The following DLGAP1 variants were observed in gnomAD, a reference collection of about 807,000 sequenced individuals.
DLGAP1 encodes DLG associated protein 1.
In DLGAP1, 11 loss-of-function variants were observed where a neutral mutation model predicts 90.8. The observed-to-expected ratio is 0.12, with a 90% CI of 0.08 to 0.20. The LOEUF (loss-of-function observed/expected upper bound fraction) is 0.20. Among genes scored for constraint, DLGAP1 ranks in the 10% least tolerant of loss-of-function variants. The pLI, the probability that DLGAP1 is intolerant of heterozygous loss-of-function variation, is 1.00. For synonymous variants in DLGAP1, 558 were observed against 540.7 expected, an observed-to-expected ratio of 1.03 and a Z score of -0.44; for missense variants, 1,050 against 1,333.8, an observed-to-expected ratio of 0.79 and a Z score of 3.31.
intron 1 of DLGAP1, among the ~76,000 whole-genome samples, chr18:4,172,154 G>GAGAA (rs1306938319): frequency 6.6e-6 from 1 of 152,166 alleles, no homozygotes; most frequent in African/African-American, 2.4e-5. Flanking sequence ...TCCAATGGTA[G>GAGAA]AGAACCTTTG....
intron 1 of DLGAP1, among the ~76,000 whole-genome samples, chr18:4,433,824 G>A (rs2083341667): frequency 6.6e-6 from 1 of 152,120 alleles, no homozygotes; most frequent in African/African-American, 2.4e-5. Context: ...ATCACAATGT[G>A]GATAGGCTCT....
intron 1 of DLGAP1, among the ~76,000 whole-genome samples, chr18:4,266,767 T>A (rs2079139533): frequency 6.6e-6 from 1 of 152,210 alleles, no homozygotes; most frequent in Admixed American, 6.5e-5. Flanking sequence ...ACAACAATGA[T>A]CAAAAATCAA....
At chr18:3,790,769 T>C (rs1290545259) in intron 5 of DLGAP1, among the ~76,000 whole-genome samples, 2 of 152,122 alleles carry the variant, frequency 1.3e-5, no homozygotes, top group South Asian at 2.1e-4. Context: ...GGGAAGTGGA[T>C]AGTGCATTTG....
rs1653870647 is a variant in DLGAP1, at chr18:3,787,910, A to G, written c.1172+26149T>C. Among the ~76,000 whole-genome samples, 3 of 152,184 alleles carry G rather than the reference A, an allele frequency of 2.0e-5. No individual in the cohort carries two copies. In the South Asian group the frequency reaches 6.2e-4, roughly 32 times the overall value. On this transcript the variant is annotated intron_variant, in intron 5 of 12. Coordinates refer to ENST00000315677, the MANE Select transcript of DLGAP1 (RefSeq NM_004746.4). Reference sequence around the variant, plus strand: ...TGCCTAAAGTCTGGACTTGTCAAAAAAACAATTCCCTTTGGTTCTTTCCCA... The same window carrying G: ...TGCCTAAAGTCTGGACTTGTCAAAAGAACAATTCCCTTTGGTTCTTTCCCA...
intron 5 of DLGAP1, among the ~76,000 whole-genome samples, chr18:3,769,456 A>G (rs1312748051): frequency 1.3e-5 from 2 of 152,208 alleles, no homozygotes; most frequent in Non-Finnish European, 2.9e-5. Context: ...GAATGGTTAC[A>G]GCAGCTTTGT....
chr18:3,749,000 TTAGA>T (rs2063382632), intron 5 of DLGAP1, among the ~76,000 whole-genome samples: 2 of 152,162 alleles, frequency 1.3e-5, no homozygotes, highest in African/African-American at 2.4e-5. Flanking sequence ...CTGGCTACTG[TTAGA>T]TAAAGAAATC....
intron 3 of DLGAP1, among the ~76,000 whole-genome samples, chr18:3,946,204 C>T (rs774763937): frequency 7.9e-5 from 12 of 152,018 alleles, no homozygotes; most frequent in Non-Finnish European, 1.3e-4. Flanking sequence ...AACATCAAAT[C>T]CTCCTTACTC....
At chr18:3,991,244 GT>G (rs1234778825) in intron 3 of DLGAP1, among the ~76,000 whole-genome samples, 3 of 152,058 alleles carry the variant, frequency 2.0e-5, no homozygotes, top group Admixed American at 6.6e-5. Flanking sequence ...AGATTTTATA[GT>G]TTTTTACTGA....
intron 1 of DLGAP1, among the ~76,000 whole-genome samples, chr18:4,195,232 A>C (rs1020575450): frequency 3.3e-5 from 5 of 152,152 alleles, no homozygotes; most frequent in African/African-American, 1.2e-4. Flanking sequence ...AGCCATTCCC[A>C]TTCAAGATTC....
intron 2 of DLGAP1, among the ~76,000 whole-genome samples, chr18:4,027,959 T>C (rs558758822): frequency 1.3e-5 from 2 of 152,170 alleles, no homozygotes; most frequent in East Asian, 1.9e-4. Context: ...CTTCCTCAAA[T>C]GGCCCTTGAT....
chr18:3,989,149 T>G (rs2073909710), intron 3 of DLGAP1, among the ~76,000 whole-genome samples: 1 of 152,230 alleles, frequency 6.6e-6, no homozygotes, highest in African/African-American at 2.4e-5. Flanking sequence ...GGTTACCCAG[T>G]TCCCTGGAGC....
intron 1 of DLGAP1, among the ~76,000 whole-genome samples, chr18:4,343,441 T>C (rs2081241761): frequency 6.6e-6 from 1 of 152,118 alleles, no homozygotes; most frequent in African/African-American, 2.4e-5. Context: ...GATTACTTAA[T>C]ATTTATTTTA....
intron 9 of DLGAP1, among the ~76,000 whole-genome samples, chr18:3,550,056 G>A (rs927930434): frequency 2.6e-4 from 40 of 152,170 alleles, no homozygotes; most frequent in African/African-American, 9.4e-4. Context: ...TGAGACTACA[G>A]GTGCATGCCA....
intron 2 of DLGAP1, among the ~76,000 whole-genome samples, chr18:4,056,790 A>G (rs1238126296): frequency 6.6e-6 from 1 of 152,150 alleles, no homozygotes; most frequent in Non-Finnish European, 1.5e-5. Flanking sequence ...GACTGACCCC[A>G]GGAAAGTACC....
intron 7 of DLGAP1, among the ~76,000 whole-genome samples, chr18:3,645,055 G>T (rs2059070289): frequency 6.6e-6 from 1 of 152,138 alleles, no homozygotes; most frequent in East Asian, 1.9e-4. Flanking sequence ...AGGGGAATGG[G>T]AACTGTGTAT....
chr18:4,301,394 C>T (rs2080122835), intron 1 of DLGAP1, among the ~76,000 whole-genome samples: 1 of 152,168 alleles, frequency 6.6e-6, no homozygotes, highest in Non-Finnish European at 1.5e-5. Flanking sequence ...TATTTGTCTT[C>T]CTGTTTCTGA....
At position 3,997,030 on chromosome 18, in the gene DLGAP1, C is replaced by CTTT. The variant is rs5822780; in HGVS notation, c.-73+8083_-73+8085dup. Among the ~76,000 whole-genome samples the CTTT allele has an allele frequency of 1.4e-4, 12 of 85,976 alleles. 3 individuals are homozygous for CTTT. The highest frequency in any genetic ancestry group is 4.5e-4 in the African/African-American group (9 of 19,978). The allele number at this position is 85,976 out of a possible 152,430, so 56.4% of individuals were successfully genotyped here. A position where few individuals can be genotyped will look rare whatever the true frequency, so the allele number is the denominator to read the frequency against. ...TTAGAAATATAAGTTGCAGAGTTTT[C>CTTT]TTTTTTTTTTTTTTCATATTTTAAA... On this transcript the variant is annotated intron_variant, in intron 3 of 12. Coordinates refer to ENST00000315677, the MANE Select transcript of DLGAP1 (RefSeq NM_004746.4).
At chr18:3,836,103 A>C (rs1175767485) in intron 4 of DLGAP1, among the ~76,000 whole-genome samples, 1 of 152,238 alleles carries the variant, frequency 6.6e-6, no homozygotes, top group East Asian at 1.9e-4. Flanking sequence ...AGTTAAGCTG[A>C]AAATATACTG....
chr18:4,236,185 C>A (rs906050233), intron 1 of DLGAP1, among the ~76,000 whole-genome samples: 2 of 152,140 alleles, frequency 1.3e-5, no homozygotes, highest in Admixed American at 6.5e-5. Flanking sequence ...AATAATATTA[C>A]CTGCCTCATA....
Sources: gnomAD v4.1 joint callset for allele counts (sites outside exome capture counted in the v4.1 genomes callset) on GRCh38, gnomAD v4.1.1 for gene constraint, MANE v1.5 for transcripts, NCBI Gene and HGNC (gene_info 2026-07-23, HGNC 2026-07-21) for gene names.